ARMC9: variants seen among roughly 807,000 people sequenced by gnomAD.
ARMC9 encodes lisH domain-containing protein ARMC9.
A neutral mutation model predicts 107.0 loss-of-function variants in ARMC9; 94 were observed. That is an observed-to-expected ratio of 0.88 (90% CI 0.74 to 1.04). ARMC9 has a LOEUF of 1.04. ARMC9 is among the 50% of genes least tolerant of loss of function. The pLI is 0.00. For missense variants in ARMC9, 942 were observed against 1,030.1 expected (o/e 0.91, Z 1.17); for synonymous variants, 380 against 396.9 (o/e 0.96, Z 0.51).
intron 16 of ARMC9, among the ~76,000 whole-genome samples, chr2:231,280,989 G>A (rs754709320): frequency 2.3e-4 from 35 of 152,136 alleles, no homozygotes; most frequent in Non-Finnish European, 4.6e-4. Flanking sequence ...GAAGGAGGGC[G>A]GTGGGAAACG....
chr2:231,295,978 C>T (rs1274576547), intron 18 of ARMC9: 1 of 384,292 alleles, frequency 2.6e-6, no homozygotes, highest in Non-Finnish European at 4.6e-6. Flanking sequence ...CTACTATAAT[C>T]ATGTTCTGGT....
intron 1 of ARMC9, among the ~76,000 whole-genome samples, chr2:231,199,442 C>A (rs1206573323): frequency 2.6e-5 from 4 of 152,114 alleles, no homozygotes; most frequent in African/African-American, 9.7e-5. Flanking sequence ...TTTAGGTGGT[C>A]CAGACTTTGG....
intron 19 of ARMC9, among the ~76,000 whole-genome samples, chr2:231,329,708 G>A (rs181272345): frequency 2.0e-5 from 3 of 152,210 alleles, no homozygotes; most frequent in Admixed American, 6.5e-5. Flanking sequence ...CTTGTAAATG[G>A]CATTGTATTT....
intron 19 of ARMC9, among the ~76,000 whole-genome samples, chr2:231,313,755 CTTTT>C (rs1436596059): frequency 3.3e-5 from 5 of 151,328 alleles, no homozygotes; most frequent in South Asian, 2.1e-4. Context: ...TTTTCATTTT[CTTTT>C]TTTTGTTTGT....
rs537476094 is a variant in ARMC9, at chr2:231,267,713, A to G, written c.1120-3269A>G. ...AAGGGGGAGCTAGAACTTCACTAGC[A>G]CTGTTTAGGGTTATCCAAATGCAGA... On this transcript the variant is annotated intron_variant, in intron 12 of 24. Transcript: ENST00000611582. Among the ~76,000 whole-genome samples the G allele has an allele frequency of 1.8e-3, 270 of 152,252 alleles. 1 individual carries two copies. The highest frequency in any genetic ancestry group is 3.3e-3 in the Non-Finnish European group (222 of 68,006).
intron 19 of ARMC9, among the ~76,000 whole-genome samples, chr2:231,309,517 T>TA (rs981318375): frequency 1.3e-5 from 2 of 152,188 alleles, no homozygotes; most frequent in African/African-American, 4.8e-5. Context: ...AATAAATAAA[T>TA]ACGTTTCTAT....
chr2:231,248,267 T>C (rs2036954064), intron 9 of ARMC9, among the ~76,000 whole-genome samples: 2 of 152,216 alleles, frequency 1.3e-5, no homozygotes, highest in South Asian at 2.1e-4. Context: ...AGGCTCTCCA[T>C]AGTTCCCTCT....
intron 17 of ARMC9, among the ~76,000 whole-genome samples, chr2:231,283,695 G>A (rs1438007632): frequency 2.0e-5 from 3 of 152,098 alleles, no homozygotes; most frequent in Non-Finnish European, 4.4e-5. Flanking sequence ...CTCCCAAAGC[G>A]CCGAGATTAC....
intron 10 of ARMC9, among the ~76,000 whole-genome samples, chr2:231,257,291 T>C (rs1265341681): frequency 6.6e-6 from 1 of 152,208 alleles, no homozygotes; most frequent in Non-Finnish European, 1.5e-5. Flanking sequence ...ATCAAGGCCA[T>C]GGGCAGCCCT....
At chr2:231,231,072 A>T (rs980166963) in intron 7 of ARMC9, among the ~76,000 whole-genome samples, 1 of 152,210 alleles carries the variant, frequency 6.6e-6, no homozygotes, top group Non-Finnish European at 1.5e-5. Context: ...CCAAGGCAAA[A>T]GTTCCACAGA....
At chr2:231,349,907 G>A (rs1036516814) in intron 21 of ARMC9, among the ~76,000 whole-genome samples, 4 of 151,920 alleles carry the variant, frequency 2.6e-5, no homozygotes, top group Non-Finnish European at 4.4e-5. Flanking sequence ...CACACAGGAT[G>A]AATACTTGAG....
intron 8 of ARMC9, among the ~76,000 whole-genome samples, chr2:231,237,608 C>T (rs1372130624): frequency 6.6e-6 from 1 of 151,520 alleles, no homozygotes; most frequent in African/African-American, 2.4e-5. Flanking sequence ...CCTATTTCTC[C>T]ACACACGGCA....
At position 231,267,892 on chromosome 2, in the gene ARMC9, C is replaced by T. The variant is rs570798149; in HGVS notation, c.1120-3090C>T. Among the ~76,000 whole-genome samples, 6 of 152,242 alleles carry T rather than the reference C, an allele frequency of 3.9e-5. No individual in the cohort carries two copies. In the East Asian group the frequency reaches 1.2e-3, roughly 29 times the overall value. On this transcript the variant is annotated intron_variant, in intron 12 of 24. Coordinates refer to ENST00000611582, the MANE Select transcript of ARMC9 (RefSeq NM_001352754.2). ...AGATAAGCCCCAACCAAAACGTGCC[C>T]ATATGTTCACTAAAAAACATGCAAG...
intron 15 of ARMC9, among the ~76,000 whole-genome samples, chr2:231,278,130 A>T (rs1266313799): frequency 6.6e-6 from 1 of 152,178 alleles, no homozygotes; most frequent in Non-Finnish European, 1.5e-5. Context: ...TGCTACACTG[A>T]GTCCTTTACA....
Position 231,262,351 on chromosome 2 carries a change from C to G in ARMC9, c.1072C>G (p.Gln358Glu). ...TGGAGAGCAGAGGGAGACCGTTCTG[C>G]AAGCCTACATCAGCAATGACCTCTT... ...HPGEQRETVL[Q>E]AYISNDLLDC... Residue 358 changes from glutamine to glutamate, a missense_variant, in exon 12 of 25, where the codon CAA becomes GAA. Gln to Glu is a conservative substitution (Grantham distance 29, BLOSUM62 2). Coordinates refer to ENST00000611582, the MANE Select transcript of ARMC9 (RefSeq NM_001352754.2). 6.2e-7 allele frequency: 1 copy of G among 1,614,204 alleles called. No homozygotes were observed. Among genetic ancestry groups the G allele is most frequent in the Non-Finnish European group, 8.5e-7 (1 of 1,180,038 alleles).
chr2:231,199,318 T>C (rs926206353), intron 1 of ARMC9, among the ~76,000 whole-genome samples: 4 of 152,354 alleles, frequency 2.6e-5, no homozygotes, highest in South Asian at 4.1e-4. Flanking sequence ...TAAAAGTCAC[T>C]CAGGGAGCTT....
intron 19 of ARMC9, among the ~76,000 whole-genome samples, chr2:231,298,099 T>C (rs1274573513): frequency 6.6e-6 from 1 of 152,254 alleles, no homozygotes; most frequent in Non-Finnish European, 1.5e-5. Context: ...TTCTGGACTT[T>C]TGCTACTCTT....
intron 19 of ARMC9, among the ~76,000 whole-genome samples, chr2:231,317,870 T>C (rs1417616781): frequency 6.6e-6 from 1 of 152,154 alleles, no homozygotes; most frequent in African/African-American, 2.4e-5. Context: ...CTGTTGAGAT[T>C]TCCCGTTTTT....
In ARMC9 at chr2:231,248,447, C is replaced by A. The variant is rs536665350; in HGVS notation, c.880-8139C>A. On this transcript the variant is annotated intron_variant, in intron 9 of 24. Transcript: ENST00000611582. ...CATCCGATCATATTACTATCTTGCTCAACACCGTTATCACCTTAGGGTGAA... is the reference window on the plus strand; with the variant it reads ...CATCCGATCATATTACTATCTTGCTAAACACCGTTATCACCTTAGGGTGAA... Among the ~76,000 whole-genome samples the A allele has an allele frequency of 2.0e-5, 3 of 152,272 alleles. No homozygotes were observed. The East Asian group carries it at 5.8e-4, about 29-fold the overall frequency.
Sources: allele counts gnomAD v4.1 joint callset (sites outside exome capture counted in the v4.1 genomes callset), GRCh38; gene constraint gnomAD v4.1.1; transcripts MANE v1.5; gene names NCBI Gene and HGNC (gene_info 2026-07-23, HGNC 2026-07-21).